The following PCDHGA10 variants were observed in gnomAD, a reference collection of about 807,000 sequenced individuals.
The protein encoded by PCDHGA10 is protocadherin gamma-A10.
Under a neutral mutation model 59.5 loss-of-function variants are expected in PCDHGA10, and 42 were observed. The observed-to-expected ratio is 0.71, with a 90% CI of 0.55 to 0.91. The LOEUF (loss-of-function observed/expected upper bound fraction) is 0.91, where lower values mean the gene tolerates loss of function less well. Among genes scored for constraint, PCDHGA10 ranks in the 40% least tolerant of loss-of-function variants. The pLI is 0.00. For synonymous variants in PCDHGA10, 511 were observed against 517.2 expected (o/e 0.99, Z 0.16); for missense variants, 1,111 against 1,198.2 (o/e 0.93, Z 1.07).
intron 1 of PCDHGA10, chr5:141,427,502 G>A (rs1276688816): frequency 1.7e-6 from 1 of 576,718 alleles, no homozygotes; most frequent in East Asian, 4.0e-5. Flanking sequence ...TAACAGATGG[G>A]ACCCTGGATT....
At chr5:141,438,630 A>T (rs1232206839) in intron 1 of PCDHGA10, among the ~76,000 whole-genome samples, 1 of 38,920 alleles carries the variant, frequency 2.6e-5, no homozygotes, top group East Asian at 8.1e-4. Context: ...ATATATATAT[A>T]TATATACACA....
At chr5:141,481,703 C>T (rs909197135) in intron 1 of PCDHGA10, among the ~76,000 whole-genome samples, 1 of 152,090 alleles carries the variant, frequency 6.6e-6, no homozygotes, top group Admixed American at 6.5e-5. Context: ...CCTGTAATCC[C>T]AGCACTTTGG....
At chr5:141,417,532 T>TA (rs1457524771) in intron 1 of PCDHGA10, 17 of 284,868 alleles carry the variant, frequency 6.0e-5, no homozygotes, top group Non-Finnish European at 8.4e-5. Context: ...ACTCGTAGTT[T>TA]AAAAAAAATT....
At chr5:141,470,173 A>G (rs527296791) in intron 1 of PCDHGA10, among the ~76,000 whole-genome samples, 1 of 152,342 alleles carries the variant, frequency 6.6e-6, no homozygotes, top group South Asian at 2.1e-4. Context: ...AAGTATGCAA[A>G]ATATTCAAGT....
chr5:141,464,907 T>A lies in PCDHGA10; in HGVS notation c.2437-29900T>A, dbSNP rs187725683. On this transcript the variant is annotated intron_variant, in intron 1 of 3. Transcript: ENST00000398610. ...ATGGATGCCACCATGTCCAGCTAAT[T>A]TTTTTATTTTTTTGTAGAGATGTGA... 4.5e-3 allele frequency among the ~76,000 whole-genome samples: 687 copies of A among 152,148 alleles called. 4 individuals are homozygous for A. Among genetic ancestry groups the A allele is most frequent in the African/African-American group, 0.015 (630 of 41,510 alleles).
At position 141,476,613 on chromosome 5, in the gene PCDHGA10, G is replaced by A; in HGVS notation, c.2437-18194G>A. On this transcript the variant is annotated intron_variant, in intron 1 of 3. Coordinates refer to ENST00000398610, the MANE Select transcript of PCDHGA10 (RefSeq NM_018913.3). This position sits in a 1 kb window ranked among gnomAD's most constrained non-coding sequence, Gnocchi z 7.6. ...AGCGCGCACGATCCCGATGTGGGAA[G>A]CAACTCTTTACAAACCTATGAGCTG... is the stretch of plus-strand genomic sequence containing the variant. 1 of 1,614,266 alleles carries A rather than the reference G, an allele frequency of 6.2e-7. No homozygotes were observed. The highest frequency in any genetic ancestry group is 1.3e-5 in the African/African-American group (1 of 75,078).
chr5:141,420,960 T>C, intron 1 of PCDHGA10: 1 of 425,378 alleles, frequency 2.4e-6, no homozygotes, highest in East Asian at 3.9e-5. Context: ...TCTTAGTCGT[T>C]GCAATAATAA....
intron 1 of PCDHGA10, chr5:141,422,357 C>G: frequency 6.4e-7 from 1 of 1,557,656 alleles, no homozygotes; most frequent in African/African-American, 1.4e-5. Flanking sequence ...GATCAAGATT[C>G]TGGAGAAAAT....
At chr5:141,482,755 T>TGA (rs1554165462) in intron 1 of PCDHGA10, among the ~76,000 whole-genome samples, 1 of 143,580 alleles carries the variant, frequency 7.0e-6, no homozygotes, top group Admixed American at 6.9e-5. Context: ...GGGATTATGG[T>TGA]ATTTCATTAT....
rs1185020546 is a variant in PCDHGA10, at chr5:141,485,472, C to A, written c.2437-9335C>A. 3 of 1,614,138 alleles carry A rather than the reference C, an allele frequency of 1.9e-6. No homozygotes were observed. Among genetic ancestry groups the A allele is most frequent in the Non-Finnish European group, 2.5e-6 (3 of 1,180,022 alleles). On this transcript the variant is annotated intron_variant, in intron 1 of 3. Transcript: ENST00000398610. The surrounding 1 kb of genome is among the most constrained non-coding windows in gnomAD (Gnocchi z 5.7). The stretch of plus-strand genomic sequence containing the variant: ...CGAGAGGCACTGTGTGGGCTCAGTG[C>A]CAGCTGCATCGTGCCCCTGGAGTTT...
In PCDHGA10 at chr5:141,511,477, C is replaced by A; in HGVS notation, c.*304C>A. 2.1e-6 allele frequency: 1 copy of A among 482,262 alleles called. No homozygotes were observed. The allele number at this position is 482,262 out of a possible 1,614,324, so 29.9% of individuals were successfully genotyped here. A position where few individuals can be genotyped will look rare whatever the true frequency, so the allele number is the denominator to read the frequency against. On this transcript the variant is annotated 3_prime_UTR_variant, in exon 4 of 4. Coordinates refer to ENST00000398610, the MANE Select transcript of PCDHGA10 (RefSeq NM_018913.3). ...TTTGCCACACCCCGTTTAGTTACAG[C>A]TGAACTCCTCCATCTTCCAAATCAA...
At chr5:141,433,358 C>CCTATCTATCTAT (rs3074541) in intron 1 of PCDHGA10, 6,701 of 503,954 alleles carry the variant, frequency 0.013, 75 homozygotes, top group East Asian at 0.016. Context: ...CTACTGTCTG[C>CCTATCTATCTAT]CTATCTATCT....
chr5:141,497,736 G>A (rs1437670417), intron 2 of PCDHGA10, among the ~76,000 whole-genome samples: 6 of 151,962 alleles, frequency 3.9e-5, no homozygotes, highest in Admixed American at 1.3e-4. Flanking sequence ...GATGGGTTTC[G>A]CCACGTTGGC....
intron 1 of PCDHGA10, among the ~76,000 whole-genome samples, chr5:141,438,339 AGGATC>A (rs1013025873): frequency 1.6e-4 from 25 of 151,944 alleles, no homozygotes; most frequent in Non-Finnish European, 1.9e-4. Flanking sequence ...ATGTCATATA[AGGATC>A]TACTCTGTGT....
Position 141,511,042 on chromosome 5 carries a change from G to C in PCDHGA10, c.2680G>C (p.Asp894His), listed in dbSNP as rs774071540. Residue 894 changes from aspartate (D) to histidine (H), a missense_variant, in exon 4 of 4, where the codon GAC becomes CAC. Transcript: ENST00000398610. Reference sequence around the variant, plus strand: ...CCAGTTCACCCTGCAGCACGTGCCCGACTACCGCCAGAATGTCTACATCCC... The same window carrying C: ...CCAGTTCACCCTGCAGCACGTGCCCCACTACCGCCAGAATGTCTACATCCC... ...GPQFTLQHVP[D>H]YRQNVYIPGS... 6.2e-7 allele frequency: 1 copy of C among 1,614,182 alleles called. No homozygotes were observed. Among genetic ancestry groups the C allele is most frequent in the South Asian group, 1.1e-5 (1 of 91,084 alleles).
chr5:141,488,222 G>A (rs1351438124), intron 1 of PCDHGA10, among the ~76,000 whole-genome samples: 1 of 152,104 alleles, frequency 6.6e-6, no homozygotes, highest in Admixed American at 6.5e-5. Flanking sequence ...TCCCTACTGG[G>A]GATTTGAACT....
chr5:141,491,493 G>A lies in PCDHGA10; in HGVS notation c.2437-3314G>A, dbSNP rs1008591563. On this transcript the variant is annotated intron_variant, in intron 1 of 3. Transcript: ENST00000398610. This position sits in a 1 kb window ranked among gnomAD's most constrained non-coding sequence, Gnocchi z 6.9. ...AGCAGTCCAGCCCCAACCTGCAGGT[G>A]AGCTCGGACGGCACGCTCAAGTACA... 6.2e-7 allele frequency: 1 copy of A among 1,614,000 alleles called. No homozygotes were observed. Among genetic ancestry groups the A allele is most frequent in the African/African-American group, 1.3e-5 (1 of 74,928 alleles).
intron 1 of PCDHGA10, chr5:141,478,282 G>A: frequency 6.2e-7 from 1 of 1,614,184 alleles, no homozygotes; most frequent in Non-Finnish European, 8.5e-7. Flanking sequence ...AGTGGAAGCA[G>A]TCTAGAGACC....
intron 3 of PCDHGA10, among the ~76,000 whole-genome samples, chr5:141,509,049 C>G (rs1384134813): frequency 3.3e-5 from 5 of 152,150 alleles, no homozygotes; most frequent in Non-Finnish European, 5.9e-5. Context: ...TCCCCCGCCC[C>G]CAGAAAGCTC....
Sources: gnomAD v4.1 joint callset for allele counts (sites outside exome capture counted in the v4.1 genomes callset) on GRCh38, gnomAD v4.1.1 for gene constraint, Gnocchi (gnomAD v3.1) non-coding constraint, MANE v1.5 for transcripts, NCBI Gene and HGNC (gene_info 2026-07-23, HGNC 2026-07-21) for gene names.